The following SRSF11 variants were observed in gnomAD, a reference collection of about 807,000 sequenced individuals.
SRSF11 encodes the protein serine and arginine rich splicing factor 11, also known as serine/arginine-rich splicing factor 11.
A neutral mutation model predicts 56.0 loss-of-function variants in SRSF11; 9 were observed. That is an observed-to-expected ratio of 0.16 (90% confidence interval 0.10 to 0.28). The LOEUF (loss-of-function observed/expected upper bound fraction) is 0.28. SRSF11 is among the 10% of genes least tolerant of loss of function. SRSF11 has a pLI of 1.00. For missense variants in SRSF11, 421 were observed against 600.7 expected (o/e 0.70, Z 3.13); for synonymous variants, 222 against 215.3 (o/e 1.03, Z -0.27).
Position 70,244,701 on chromosome 1 carries a change from C to G in SRSF11, c.818C>G (p.Ser273Trp), listed in dbSNP as rs1157655963. 6.2e-7 allele frequency: 1 copy of G among 1,613,926 alleles called. No individual in the cohort carries two copies. Among genetic ancestry groups the G allele is most frequent in the Non-Finnish European group, 8.5e-7 (1 of 1,179,898 alleles). ...ACTATTAGGCGGTCAAGAAGCAGAT[C>G]GAGACGGCGGTCACATTCTAAGTCT... Reference protein sequence around the residue: ...SSRHRRSRSRSRRRSHSKSRS... With the variant: ...SSRHRRSRSRWRRRSHSKSRS... Residue 273 changes from serine to tryptophan, a missense_variant, in exon 8 of 12, where the codon TCG (serine) becomes TGG (tryptophan). Transcript: ENST00000370949.
chr1:70,232,225 C>G, intron 2 of SRSF11, 43 bp from the exon 3 acceptor site: 2 of 1,613,990 alleles, frequency 1.2e-6, no homozygotes, highest in Non-Finnish European at 8.5e-7. Context: ...TGTTTTCTGT[C>G]TTAGAAAAGA....
At chr1:70,245,252 T>G (rs1181395366) in intron 8 of SRSF11, among the ~76,000 whole-genome samples, 1 of 152,212 alleles carries the variant, frequency 6.6e-6, no homozygotes, top group African/African-American at 2.4e-5. Flanking sequence ...GCTAAAATAT[T>G]TATCTTAATT....
At chr1:70,220,461 G>C (rs903009616), upstream of SRSF11, among the ~76,000 whole-genome samples, 10 of 152,196 alleles carry the variant, frequency 6.6e-5, no homozygotes, top group African/African-American at 2.4e-4. Context: ...ATATGTATGT[G>C]AAACAAGTTT....
intron 7 of SRSF11, among the ~76,000 whole-genome samples, chr1:70,243,700 A>G (rs1486374902): frequency 2.0e-5 from 3 of 152,208 alleles, no homozygotes; most frequent in Non-Finnish European, 4.4e-5. Flanking sequence ...AATGGTCACT[A>G]AAAGTTAAGT....
chr1:70,244,326 A>G (rs1437104331), intron 7 of SRSF11, among the ~76,000 whole-genome samples: 1 of 152,208 alleles, frequency 6.6e-6, no homozygotes, highest in Non-Finnish European at 1.5e-5. Context: ...TAAGAAATAC[A>G]TGCTAAAATG....
At chr1:70,248,525 A>C (rs1230714664) in intron 9 of SRSF11, 4 of 152,140 alleles carry the variant, frequency 2.6e-5, no homozygotes, top group African/African-American at 9.7e-5. Flanking sequence ...TTTTCTTAAA[A>C]ACTAAATTTT....
At chr1:70,215,745 T>A (rs1196366177) in intron 1 of SRSF11, among the ~76,000 whole-genome samples, 1 of 152,206 alleles carries the variant, frequency 6.6e-6, no homozygotes, top group Non-Finnish European at 1.5e-5. Flanking sequence ...CAAACAGGGT[T>A]CCCAGTGGGT....
chr1:70,236,227 G>C (rs921982401), intron 5 of SRSF11, among the ~76,000 whole-genome samples: 1 of 151,386 alleles, frequency 6.6e-6, no homozygotes. Context: ...TACCAATACA[G>C]TTGAAGCTTC....
chr1:70,229,733 G>A, intron 2 of SRSF11: 1 of 984,486 alleles, frequency 1.0e-6, no homozygotes, highest in Non-Finnish European at 1.2e-6. Context: ...ACCATACCTT[G>A]TAAAAGTTGT....
At chr1:70,229,176 TTCTC>T in intron 2 of SRSF11, 1 of 1,282,978 alleles carries the variant, frequency 7.8e-7, no homozygotes, top group Non-Finnish European at 1.0e-6. Flanking sequence ...TAATAAATTC[TTCTC>T]TCTGTTATTT....
rs576252786 is a variant in SRSF11, at chr1:70,252,257, C to T, written c.*1452C>T. The T allele has an allele frequency of 1.3e-5, 2 of 152,190 alleles. No individual in the cohort carries two copies. The highest frequency in any genetic ancestry group is 4.1e-4 in the South Asian group (2 of 4,826). The allele number at this position is 152,190 out of a possible 1,614,324, so 9.4% of individuals were successfully genotyped here. A position where few individuals can be genotyped will look rare whatever the true frequency, so the allele number is the denominator to read the frequency against. On this transcript the variant is annotated 3_prime_UTR_variant, in exon 12 of 12. Transcript: ENST00000370949. ...TGTGTGGGAATGGGGTTGGATAAAGCAATGAACTTTAGTATAAACAAATCC... is the reference window on the plus strand; with the variant it reads ...TGTGTGGGAATGGGGTTGGATAAAGTAATGAACTTTAGTATAAACAAATCC...
At position 70,221,390 on chromosome 1, in the gene SRSF11, T is replaced by A. The variant is rs1670562540; in HGVS notation, c.-247T>A. ...GAGCTCGGGCCCGCTAGTGTCGTGG[T>A]TGGAGGCGAGGTGGGGCGGCCGTTT... On this transcript the variant is annotated 5_prime_UTR_variant, in exon 1 of 12. It adds an upstream start codon to the 5' untranslated region. Transcript: ENST00000370949. 1.9e-6 allele frequency: 1 copy of A among 519,374 alleles called. No homozygotes were observed. The highest frequency in any genetic ancestry group is 2.0e-5 in the African/African-American group (1 of 49,954). 32.2% of individuals were successfully genotyped at this position (519,374 alleles called of 1,614,324 possible). A position where few individuals can be genotyped will look rare whatever the true frequency, so the allele number is the denominator to read the frequency against.
chr1:70,250,551 C>CT (rs1172075221), intron 11 of SRSF11, 48 bp downstream of exon 11: 1 of 1,607,674 alleles, frequency 6.2e-7, no homozygotes, highest in African/African-American at 1.3e-5. Context: ...GATGTTGGTA[C>CT]TTTCAGAAGT....
Position 70,251,080 on chromosome 1 carries a change from A to G in SRSF11, c.*275A>G. 5.5e-6 allele frequency: 2 copies of G among 361,158 alleles called. No individual in the cohort carries two copies. Among genetic ancestry groups the G allele is most frequent in the East Asian group, 4.8e-5 (1 of 20,836 alleles). The allele number at this position is 361,158 out of a possible 1,614,324, so 22.4% of individuals were successfully genotyped here. A position where few individuals can be genotyped will look rare whatever the true frequency, so the allele number is the denominator to read the frequency against. The stretch of plus-strand genomic sequence containing the variant: ...CTTCATAACAAAAATGAAAAGCTGC[A>G]TGCATCTACAGCAGGCATGGATTGT... On this transcript the variant is annotated 3_prime_UTR_variant, in exon 12 of 12. Transcript: ENST00000370949.
intron 4 of SRSF11, 71 bp downstream of exon 4, chr1:70,234,859 A>G: frequency 1.5e-6 from 2 of 1,301,020 alleles, no homozygotes; most frequent in Non-Finnish European, 2.1e-6. Context: ...GTTGGTTTGC[A>G]TTTCAAGAGC....
Position 70,250,887 on chromosome 1 carries a change from T to C in SRSF11, c.*82T>C. The C allele has an allele frequency of 8.0e-7, 1 of 1,254,640 alleles. No individual in the cohort carries two copies. Among genetic ancestry groups the C allele is most frequent in the Non-Finnish European group, 1.2e-6 (1 of 867,654 alleles). 77.7% of individuals were successfully genotyped at this position (1,254,640 alleles called of 1,614,324 possible). On this transcript the variant is annotated 3_prime_UTR_variant, in exon 12 of 12. Transcript: ENST00000370949. ...GATTTCTTAATGCTGTATTTGTTCA[T>C]CTCAAACCTAGATGTATACAGCTCT...
chr1:70,242,678 T>C (rs1429506169), intron 7 of SRSF11, among the ~76,000 whole-genome samples: 1 of 152,122 alleles, frequency 6.6e-6, no homozygotes, highest in Admixed American at 6.5e-5. Context: ...TTATTAAAAA[T>C]ATGTTACACT....
intron 1 of SRSF11, among the ~76,000 whole-genome samples, chr1:70,206,558 T>C: frequency 6.6e-6 from 1 of 152,178 alleles, no homozygotes; most frequent in East Asian, 1.9e-4. Context: ...TTAAGATTAA[T>C]CCTGCCTAGT....
chr1:70,230,493 T>G, intron 2 of SRSF11: 4 of 1,240,320 alleles, frequency 3.2e-6, no homozygotes, highest in Non-Finnish European at 4.1e-6. Context: ...TTTTTTAGGT[T>G]CCTTGGTTAA....
Sources: allele counts gnomAD v4.1 joint callset (sites outside exome capture counted in the v4.1 genomes callset), GRCh38; gene constraint gnomAD v4.1.1; transcripts MANE v1.5; gene names NCBI Gene and HGNC (gene_info 2026-07-23, HGNC 2026-07-21).